Variants in ENPP2 observed in about 807,000 individuals in gnomAD.
ENPP2 encodes ectonucleotide pyrophosphatase/phosphodiesterase 2.
In ENPP2, 51 loss-of-function variants were observed where a neutral mutation model predicts 120.2. That is an observed-to-expected ratio of 0.42 (90% CI 0.34 to 0.54). ENPP2 has a LOEUF of 0.54. Among genes scored for constraint, ENPP2 ranks in the 20% least tolerant of loss-of-function variants. The pLI is 0.04. For synonymous variants in ENPP2, 365 were observed against 366.4 expected (o/e 1.00, Z 0.04); for missense variants, 920 against 1,066.5 (o/e 0.86, Z 1.91).
At chr8:119,670,143 C>A (rs537295326) in intron 1 of ENPP2, among the ~76,000 whole-genome samples, 31 of 152,282 alleles carry the variant, frequency 2.0e-4, no homozygotes, top group African/African-American at 7.5e-4. Context: ...CTGCAAAAGG[C>A]CTTTCTTGCA....
intron 2 of ENPP2, among the ~76,000 whole-genome samples, chr8:119,637,591 G>T (rs1817076918): frequency 6.6e-6 from 1 of 152,146 alleles, no homozygotes; most frequent in African/African-American, 2.4e-5. Flanking sequence ...AAACATGCTG[G>T]AATGTCAGGA....
At chr8:119,611,843 T>C (rs556362956) in intron 8 of ENPP2, among the ~76,000 whole-genome samples, 1 of 152,072 alleles carries the variant, frequency 6.6e-6, no homozygotes, top group East Asian at 1.9e-4. Context: ...CTGGTTGACA[T>C]AGTGAAACGC....
At chr8:119,604,219 G>C (rs1814529551) in intron 9 of ENPP2, among the ~76,000 whole-genome samples, 1 of 151,934 alleles carries the variant, frequency 6.6e-6, no homozygotes, top group Non-Finnish European at 1.5e-5. Flanking sequence ...GTAGAGACGG[G>C]GTTTCACCAT....
chr8:119,583,471 C>A (rs1812889193), intron 17 of ENPP2, among the ~76,000 whole-genome samples: 2 of 152,196 alleles, frequency 1.3e-5, no homozygotes, highest in African/African-American at 4.8e-5. Flanking sequence ...CTATGTTAGA[C>A]CAGCCAGAGG....
chr8:119,664,757 A>G (rs1386578427), intron 1 of ENPP2, among the ~76,000 whole-genome samples: 2 of 152,146 alleles, frequency 1.3e-5, no homozygotes, highest in Admixed American at 6.5e-5. Context: ...CCTGGCCAAC[A>G]TGGTAAAACC....
Position 119,557,352 on chromosome 8 carries a change from A to C in ENPP2, c.*169T>G, listed in dbSNP as rs1327774514. On this transcript the variant is annotated 3_prime_UTR_variant, in exon 25 of 25. Transcript: ENST00000075322. The stretch of plus-strand genomic sequence containing the variant: ...TCTACTCAGAACACAAGGCTACCTA[A>C]ATCAAGCATTAGAGAAAAACAGTGG... 1 of 573,412 alleles carries C rather than the reference A, an allele frequency of 1.7e-6. No individual in the cohort carries two copies. The highest frequency in any genetic ancestry group is 3.0e-6 in the Non-Finnish European group (1 of 334,858). The allele number at this position is 573,412 out of a possible 1,614,324, so 35.5% of individuals were successfully genotyped here.
At chr8:119,666,095 C>T (rs1182409813) in intron 1 of ENPP2, among the ~76,000 whole-genome samples, 1 of 152,126 alleles carries the variant, frequency 6.6e-6, no homozygotes, top group Non-Finnish European at 1.5e-5. Context: ...TTACACAAGG[C>T]TATGGACAAT....
Position 119,653,750 on chromosome 8 carries a change from T to A in ENPP2, c.22-15223A>T, listed in dbSNP as rs73712204. The stretch of plus-strand genomic sequence containing the variant: ...TCAGACAATGACATGGTCCAATTTA[T>A]GTTTCAAAAGTCTCACTCTTACTGC... On this transcript the variant is annotated intron_variant, in intron 1 of 25. Transcript: ENST00000427067. Among the ~76,000 whole-genome samples the A allele has an allele frequency of 3.1e-3, 477 of 152,242 alleles. 3 individuals carry two copies. The highest frequency in any genetic ancestry group is 0.011 in the African/African-American group (463 of 41,534).
chr8:119,638,390 A>T (rs534074318), intron 2 of ENPP2, 35 bp downstream of exon 2: 216 of 1,056,266 alleles, frequency 2.0e-4, no homozygotes, highest in Middle Eastern at 1.4e-3. Context: ...TAATATTTTT[A>T]AAAAATTGAA....
intron 1 of ENPP2, among the ~76,000 whole-genome samples, chr8:119,648,446 G>A (rs1817536723): frequency 6.6e-6 from 1 of 152,166 alleles, no homozygotes; most frequent in African/African-American, 2.4e-5. Context: ...AAAGGGTAGG[G>A]TGATTCTGGA....
chr8:119,635,941 A>T (rs1405356476), intron 2 of ENPP2, among the ~76,000 whole-genome samples: 1 of 152,132 alleles, frequency 6.6e-6, no homozygotes, highest in Non-Finnish European at 1.5e-5. Context: ...ATTGTTGAGG[A>T]CTCTGAGAAG....
intron 1 of ENPP2, among the ~76,000 whole-genome samples, chr8:119,654,331 TAGAG>T (rs1232226127): frequency 7.0e-6 from 1 of 142,848 alleles, no homozygotes; most frequent in Non-Finnish European, 1.5e-5. Flanking sequence ...TAATTATATA[TAGAG>T]ATATATCTCT....
chr8:119,576,100 T>G (rs1812318084), intron 19 of ENPP2, among the ~76,000 whole-genome samples: 1 of 152,242 alleles, frequency 6.6e-6, no homozygotes, highest in South Asian at 2.1e-4. Flanking sequence ...TTCAGGACTC[T>G]GCTTTAAAGT....
intron 1 of ENPP2, among the ~76,000 whole-genome samples, chr8:119,667,738 A>C (rs1215433961): frequency 6.6e-6 from 1 of 152,210 alleles, no homozygotes; most frequent in African/African-American, 2.4e-5. Flanking sequence ...CTCATTGTTC[A>C]TACTGCAGCC....
At chr8:119,566,173 G>A (rs543529586) in intron 22 of ENPP2, among the ~76,000 whole-genome samples, 3 of 152,304 alleles carry the variant, frequency 2.0e-5, no homozygotes, top group East Asian at 3.9e-4. Context: ...CCCCTGCAGA[G>A]AACTGCCTTA....
chr8:119,592,825 CTTTTTTTTTTTTTT>C (rs10602946), intron 12 of ENPP2: 1 of 90,472 alleles, frequency 1.1e-5, no homozygotes, highest in Non-Finnish European at 2.0e-5. Context: ...ATCCCTTTGG[CTTTTTTTTTTTTTT>C]TTTTTTTTTT....
chr8:119,638,527 T>C lies in ENPP2; in HGVS notation c.34A>G (p.Ile12Val). The C allele has an allele frequency of 1.3e-6, 2 of 1,548,896 alleles. No individual in the cohort carries two copies. The highest frequency in any genetic ancestry group is 1.8e-6 in the Non-Finnish European group (2 of 1,120,456). The change falls in exon 2 of 25, where the codon ATA becomes GTA. Residue 12 changes from isoleucine (I) to valine (V), a missense_variant and splice_region_variant. Ile to Val is a conservative substitution (Grantham distance 29, BLOSUM62 3). Coordinates refer to ENST00000075322, the MANE Select transcript of ENPP2 (RefSeq NM_001040092.3). Reference sequence around the variant, plus strand: ...ACGGCAAAAGTGAACAGGGATATTATCTAAGAGAATAAAGAGACCAAGTTG... The same window carrying C: ...ACGGCAAAAGTGAACAGGGATATTACCTAAGAGAATAAAGAGACCAAGTTG... ...ARRSSFQSCQ[I>V]ISLFTFAVGV...
intron 6 of ENPP2, 72 bp downstream of exon 6, chr8:119,617,394 A>G: frequency 8.3e-7 from 1 of 1,200,490 alleles, no homozygotes; most frequent in Non-Finnish European, 1.2e-6. Context: ...TAGATCTCAA[A>G]GCCCACAGCC....
intron 18 of ENPP2, chr8:119,580,466 T>C: frequency 5.8e-6 from 2 of 342,674 alleles, no homozygotes; most frequent in Non-Finnish European, 1.1e-5. Context: ...CTTGGGCATA[T>C]ATGTGTAAGT....
Sources: allele counts gnomAD v4.1 joint callset (sites outside exome capture counted in the v4.1 genomes callset), GRCh38; gene constraint gnomAD v4.1.1; transcripts MANE v1.5; gene names NCBI Gene and HGNC (gene_info 2026-07-23, HGNC 2026-07-21).